Variants in SERINC5 observed in about 807,000 individuals in gnomAD.
SERINC5 encodes the protein chromosome 5 open reading frame 12.
A neutral mutation model predicts 63.1 loss-of-function variants in SERINC5; 41 were observed. The observed-to-expected ratio is 0.65, with a 90% confidence interval of 0.51 to 0.84. SERINC5 has a LOEUF of 0.84. Ranked by LOEUF, SERINC5 falls within the 40% of genes least tolerant of loss-of-function variation. The pLI, the probability that SERINC5 is intolerant of heterozygous loss-of-function variation, is 0.00. For synonymous variants in SERINC5, 222 were observed against 215.2 expected, an observed-to-expected ratio of 1.03 and a Z score of -0.28; for missense variants, 523 against 573.0, an observed-to-expected ratio of 0.91 and a Z score of 0.89.
intron 1 of SERINC5, among the ~76,000 whole-genome samples, chr5:80,221,094 G>A (rs960515219): frequency 2.6e-5 from 4 of 152,168 alleles, no homozygotes; most frequent in African/African-American, 9.7e-5. Flanking sequence ...TTGGCTCAAT[G>A]GTACTCCAAA....
chr5:80,229,050 T>TGGGGGGCGGGG (rs1174325559), intron 1 of SERINC5, among the ~76,000 whole-genome samples: 1 of 94,104 alleles, frequency 1.1e-5, no homozygotes, highest in Admixed American at 1.3e-4. Context: ...TTTTTTTTTT[T>TGGGGGGCGGGG]GGGGATGGAG....
chr5:80,211,887 C>T (rs889868135), intron 1 of SERINC5, among the ~76,000 whole-genome samples: 2 of 152,168 alleles, frequency 1.3e-5, no homozygotes, highest in African/African-American at 2.4e-5. Context: ...CAAATAAGTG[C>T]TTAGAACAGT....
At chr5:80,236,226 G>A (rs553703333) in intron 1 of SERINC5, among the ~76,000 whole-genome samples, 71 of 152,090 alleles carry the variant, frequency 4.7e-4, no homozygotes, top group African/African-American at 1.5e-3. Flanking sequence ...TGTTCCAAGC[G>A]CAAAATCCTA....
downstream of SERINC5, among the ~76,000 whole-genome samples, chr5:80,133,864 A>G (rs1275831548): frequency 6.6e-6 from 1 of 152,134 alleles, no homozygotes; most frequent in East Asian, 1.9e-4. Flanking sequence ...GGGACTACTG[A>G]TTGGTTAGGT....
chr5:80,133,354 G>A (rs1368624085), intron 11 of SERINC5, among the ~76,000 whole-genome samples: 4 of 152,144 alleles, frequency 2.6e-5, no homozygotes, highest in Non-Finnish European at 5.9e-5. Flanking sequence ...TGCTCTTGTG[G>A]GCTAGAGAAA....
intron 7 of SERINC5, among the ~76,000 whole-genome samples, chr5:80,162,761 A>AT (rs951782928): frequency 6.6e-6 from 1 of 151,412 alleles, no homozygotes; most frequent in African/African-American, 2.4e-5. Context: ...TAGTTATTTT[A>AT]TTTTTTGTAG....
chr5:80,120,871 A>G (rs911178321), intron 11 of SERINC5, among the ~76,000 whole-genome samples: 16 of 152,122 alleles, frequency 1.1e-4, no homozygotes, highest in African/African-American at 3.9e-4. Flanking sequence ...TTAATTTATA[A>G]AGAAAGGAGT....
chr5:80,127,795 CA>C (rs1156606870), intron 11 of SERINC5, among the ~76,000 whole-genome samples: 1 of 152,028 alleles, frequency 6.6e-6, no homozygotes, highest in Non-Finnish European at 1.5e-5. Flanking sequence ...AAATATTTAT[CA>C]AACTTTCAGA....
chr5:80,158,842 T>C lies in SERINC5; in HGVS notation c.980A>G (p.Tyr327Cys). ...AGTAACTCCCAAGACTTACCATGAA[T>C]ACAAGATACATCCGATTAAGAGGCT... ...GTSLLIGCIL[Y>C]SCLTSTTRSS... Residue 327 changes from tyrosine to cysteine, a missense_variant, in exon 8 of 12, where the codon TAT becomes TGT. Tyr to Cys is a radical substitution (Grantham distance 194). Coordinates refer to ENST00000507668, the MANE Select transcript of SERINC5 (RefSeq NM_001174072.3). The C allele has an allele frequency of 6.2e-7, 1 of 1,613,390 alleles. No homozygotes were observed. Among genetic ancestry groups the C allele is most frequent in the Non-Finnish European group, 8.5e-7 (1 of 1,179,764 alleles).
chr5:80,177,020 C>A (rs557964057), intron 4 of SERINC5, among the ~76,000 whole-genome samples: 1 of 152,300 alleles, frequency 6.6e-6, no homozygotes, highest in Non-Finnish European at 1.5e-5. Context: ...GACAGCCCTG[C>A]GCTCCCTGTT....
At chr5:80,196,626 T>A (rs1749514056) in intron 2 of SERINC5, among the ~76,000 whole-genome samples, 1 of 152,082 alleles carries the variant, frequency 6.6e-6, no homozygotes, top group Non-Finnish European at 1.5e-5. Context: ...GTACAAACAA[T>A]CCAAATGTCC....
chr5:80,251,683 T>A (rs1443402078), intron 1 of SERINC5, among the ~76,000 whole-genome samples: 1 of 151,164 alleles, frequency 6.6e-6, no homozygotes, highest in Non-Finnish European at 1.5e-5. Context: ...GGAGCCAAGA[T>A]TGCGCCACTG....
At chr5:80,176,939 C>T (rs546047707) in intron 4 of SERINC5, among the ~76,000 whole-genome samples, 104 of 152,304 alleles carry the variant, frequency 6.8e-4, no homozygotes, top group Non-Finnish European at 1.1e-3. Context: ...GCTTCACATA[C>T]GGTAAGTTTA....
At chr5:80,160,964 GTATATA>G (rs111930431) in intron 7 of SERINC5, among the ~76,000 whole-genome samples, 5 of 148,614 alleles carry the variant, frequency 3.4e-5, no homozygotes, top group Admixed American at 2.0e-4. Context: ...ATATGTGTGT[GTATATA>G]TATGTATATA....
intron 9 of SERINC5, among the ~76,000 whole-genome samples, chr5:80,148,252 A>G (rs573570873): frequency 7.2e-6 from 1 of 137,996 alleles, no homozygotes; most frequent in East Asian, 2.1e-4. Context: ...GTGCAATGGC[A>G]CGATCTCGGC....
intron 2 of SERINC5, among the ~76,000 whole-genome samples, chr5:80,191,156 A>G (rs1749158082): frequency 7.4e-6 from 1 of 135,722 alleles, no homozygotes; most frequent in Non-Finnish European, 1.6e-5. Context: ...AGTCTGCCTA[A>G]TAAGGAAATC....
At chr5:80,194,263 T>C (rs1190652650) in intron 2 of SERINC5, among the ~76,000 whole-genome samples, 1 of 150,902 alleles carries the variant, frequency 6.6e-6, no homozygotes, top group Non-Finnish European at 1.5e-5. Context: ...AAGCGGAGAA[T>C]GGAGAGAGTT....
chr5:80,252,614 A>T (rs1043027886), intron 1 of SERINC5, among the ~76,000 whole-genome samples: 1 of 152,222 alleles, frequency 6.6e-6, no homozygotes, highest in African/African-American at 2.4e-5. Flanking sequence ...TGATCTGGAT[A>T]TTATCCTGAT....
At position 80,147,200 on chromosome 5, in the gene SERINC5, T is replaced by G. The variant is rs1029393584; in HGVS notation, c.1093+45A>C. 5.2e-6 allele frequency: 8 copies of G among 1,541,664 alleles called. No individual in the cohort carries two copies. In the East Asian group the frequency reaches 1.2e-4, roughly 23 times the overall value. On this transcript the variant is annotated intron_variant, in intron 10 of 11. Coordinates refer to ENST00000507668, the MANE Select transcript of SERINC5 (RefSeq NM_001174072.3). ...AATGACTACAGATTAGAGTTATAGG[T>G]CTGCAGTGCCACACAGGTGCAAAGA...
Sources: gnomAD v4.1 joint callset for allele counts (sites outside exome capture counted in the v4.1 genomes callset) on GRCh38, gnomAD v4.1.1 for gene constraint, MANE v1.5 for transcripts, NCBI Gene and HGNC (gene_info 2026-07-23, HGNC 2026-07-21) for gene names.